Variants in MMRN1 observed in about 807,000 individuals in gnomAD.
MMRN1 encodes multimerin 1.
Under a neutral mutation model 100.7 loss-of-function variants are expected in MMRN1, and 94 were observed. The ratio of observed to expected loss-of-function variants is 0.93; its 90% CI spans 0.79 to 1.11. The LOEUF (loss-of-function observed/expected upper bound fraction) is 1.11. Ranked by LOEUF, MMRN1 falls within the 50% of genes least tolerant of loss-of-function variation. The probability of loss-of-function intolerance (pLI) is 0.00; values close to 1 mark genes in which losing one functional copy is unlikely to be tolerated. For synonymous variants in MMRN1, 575 were observed against 505.0 expected (o/e 1.14, Z -1.86); for missense variants, 1,606 against 1,439.1 (o/e 1.12, Z -1.88).
In MMRN1 at chr4:89,953,322, T is replaced by C. The variant is rs139405412; in HGVS notation, c.3591T>C (p.Tyr1197=). The change falls in exon 8 of 8, where the codon TAT becomes TAC. Residue 1197 remains tyrosine, a synonymous_variant. Coordinates refer to ENST00000264790, the MANE Select transcript of MMRN1 (RefSeq NM_007351.3). ...GGGATGCCTTATTAGAATTAAATTA[T>C]GGGCAGGAAGTCTGGTTACGACTTG... ...LTGDALLELN[Y]GQEVWLRLAK... 3.1e-6 allele frequency: 5 copies of C among 1,613,872 alleles called. No homozygotes were observed. The highest frequency in any genetic ancestry group is 1.3e-5 in the African/African-American group (1 of 75,038).
intron 7 of MMRN1, 125 bp from the exon 8 acceptor site, chr4:89,952,872 T>C: frequency 1.1e-6 from 1 of 903,718 alleles, no homozygotes; most frequent in East Asian, 2.6e-5. Context: ...TTTGCTAAGT[T>C]TGATGGATGG....
Position 89,916,846 on chromosome 4 carries a change from A to T in MMRN1, c.850+4796A>T, listed in dbSNP as rs116524951. Reference sequence around the variant, plus strand: ...ATGGAATAACATTTTCCAAGATCACATGAATGATATATGTCTCAAATTCTT... The same window carrying T: ...ATGGAATAACATTTTCCAAGATCACTTGAATGATATATGTCTCAAATTCTT... On this transcript the variant is annotated intron_variant, in intron 3 of 7. Coordinates refer to ENST00000264790, the MANE Select transcript of MMRN1 (RefSeq NM_007351.3). 5.9e-3 allele frequency among the ~76,000 whole-genome samples: 903 copies of T among 151,850 alleles called. 7 individuals are homozygous for T. Among genetic ancestry groups the T allele is most frequent in the African/African-American group, 0.021 (862 of 41,496 alleles).
chr4:89,942,751 A>C (rs2110645734), intron 6 of MMRN1, among the ~76,000 whole-genome samples: 1 of 152,310 alleles, frequency 6.6e-6, no homozygotes, highest in African/African-American at 2.4e-5. Flanking sequence ...TCAAATTACC[A>C]GTAAAATTAT....
chr4:89,902,871 ATATTTTTATC>A, intron 1 of MMRN1, among the ~76,000 whole-genome samples: 1 of 152,124 alleles, frequency 6.6e-6, no homozygotes, highest in South Asian at 2.1e-4. Flanking sequence ...TACAAAACTG[ATATTTTTATC>A]TCAGTTTGAA....
chr4:89,917,651 G>T (rs1251874497), intron 3 of MMRN1, among the ~76,000 whole-genome samples: 1 of 151,596 alleles, frequency 6.6e-6, no homozygotes, highest in Non-Finnish European at 1.5e-5. Context: ...TCTTTCTTTT[G>T]CCATGGATGA....
rs367727297 is a variant in MMRN1, at chr4:89,935,565, G to T, written c.1885G>T (p.Asp629Tyr). The change falls in exon 6 of 8, where the codon GAC (aspartate) becomes TAC (tyrosine). Residue 629 changes from aspartate (D) to tyrosine (Y), a missense_variant. Asp to Tyr is a radical substitution (Grantham distance 160, BLOSUM62 -3). Transcript: ENST00000264790. Reference protein sequence around the residue: ...QTLAEVLFPMDNKMDKMSEQL... With the variant: ...QTLAEVLFPMYNKMDKMSEQL... ...ATTGGCTGAAGTTCTCTTTCCAATG[G>T]ACAATAAGATGGACAAAATGAGTGA... is the stretch of plus-strand genomic sequence containing the variant. 2 of 1,613,306 alleles carry T rather than the reference G, an allele frequency of 1.2e-6. No homozygotes were observed. The highest frequency in any genetic ancestry group is 1.7e-6 in the Non-Finnish European group (2 of 1,179,728).
chr4:89,920,653 G>A (rs968252849), intron 3 of MMRN1, among the ~76,000 whole-genome samples: 1 of 151,830 alleles, frequency 6.6e-6, no homozygotes, highest in Admixed American at 6.6e-5. Flanking sequence ...AGTCTATGAA[G>A]ATTGATTTCT....
rs78280772 is a variant in MMRN1, at chr4:89,913,340, T to C, written c.850+1290T>C. 1.7e-3 allele frequency among the ~76,000 whole-genome samples: 255 copies of C among 151,480 alleles called. 1 individual carries two copies. Among genetic ancestry groups the C allele is most frequent in the African/African-American group, 5.8e-3 (240 of 41,488 alleles). On this transcript the variant is annotated intron_variant, in intron 3 of 7. Coordinates refer to ENST00000264790, the MANE Select transcript of MMRN1 (RefSeq NM_007351.3). Reference sequence around the variant, plus strand: ...CAAGTTTGTTTGCAGAGCACATTTCTAGAAATTTAGGTTGTTATTACACAT... The same window carrying C: ...CAAGTTTGTTTGCAGAGCACATTTCCAGAAATTTAGGTTGTTATTACACAT...
chr4:89,915,048 A>C (rs1329814324), intron 3 of MMRN1, among the ~76,000 whole-genome samples: 2 of 151,610 alleles, frequency 1.3e-5, no homozygotes, highest in Non-Finnish European at 3.0e-5. Context: ...GTGCTGAAAT[A>C]AACTGGCCCC....
intron 1 of MMRN1, among the ~76,000 whole-genome samples, chr4:89,883,366 C>G (rs768077994): frequency 2.0e-5 from 3 of 151,996 alleles, no homozygotes; most frequent in Non-Finnish European, 2.9e-5. Flanking sequence ...CGTATGAGTT[C>G]TGATTGCTTC....
intron 3 of MMRN1, among the ~76,000 whole-genome samples, chr4:89,913,002 AC>A (rs1260973796): frequency 6.6e-6 from 1 of 151,292 alleles, no homozygotes; most frequent in Non-Finnish European, 1.5e-5. Context: ...TATTCAGACT[AC>A]AGAATGAATA....
chr4:89,935,288 G>A lies in MMRN1; in HGVS notation c.1608G>A (p.Glu536=). Reference sequence around the variant, plus strand: ...ACCAGAAGAATGCTCCAGCTGCTGAGTCAGTTAGCAATAATGTCACTGAGT... The same window carrying A: ...ACCAGAAGAATGCTCCAGCTGCTGAATCAGTTAGCAATAATGTCACTGAGT... ...VSDQKNAPAA[E]SVSNNVTEYM... Residue 536 remains glutamate (E), a synonymous_variant, in exon 6 of 8, where the codon GAG becomes GAA. Transcript: ENST00000264790. 3 of 1,613,756 alleles carry A rather than the reference G, an allele frequency of 1.9e-6. No individual in the cohort carries two copies. The South Asian group carries it at 3.3e-5, about 18-fold the overall frequency.
intron 6 of MMRN1, among the ~76,000 whole-genome samples, chr4:89,938,180 C>G (rs1434225809): frequency 6.6e-6 from 1 of 151,582 alleles, no homozygotes; most frequent in African/African-American, 2.4e-5. Context: ...GTTGAATTAT[C>G]TCTACTATTT....
At chr4:89,888,077 AT>A (rs576230015) in intron 1 of MMRN1, among the ~76,000 whole-genome samples, 141 of 151,082 alleles carry the variant, frequency 9.3e-4, no homozygotes, top group African/African-American at 3.3e-3. Context: ...AATTATCTAC[AT>A]TTTTTAATTG....
chr4:89,949,143 C>T (rs1308112838), intron 6 of MMRN1, among the ~76,000 whole-genome samples: 2 of 152,120 alleles, frequency 1.3e-5, no homozygotes, highest in Non-Finnish European at 2.9e-5. Context: ...AATCCTTGAT[C>T]CTGAAGATTC....
chr4:89,887,993 G>T (rs1352670899), intron 1 of MMRN1, among the ~76,000 whole-genome samples: 3 of 151,704 alleles, frequency 2.0e-5, no homozygotes, highest in Non-Finnish European at 4.4e-5. Context: ...ATATGAAATT[G>T]TTCTACAGAT....
chr4:89,895,835 A>G, intron 1 of MMRN1, among the ~76,000 whole-genome samples: 1 of 152,310 alleles, frequency 6.6e-6, no homozygotes, highest in East Asian at 1.9e-4. Context: ...CTACTCACTT[A>G]TAGAGGTAGT....
chr4:89,916,195 T>C (rs1395828833), intron 3 of MMRN1, among the ~76,000 whole-genome samples: 5 of 151,482 alleles, frequency 3.3e-5, no homozygotes, highest in Admixed American at 2.0e-4. Flanking sequence ...ACATAAACTA[T>C]TGAATTTGTA....
intron 6 of MMRN1, among the ~76,000 whole-genome samples, chr4:89,948,339 A>G (rs1723054316): frequency 6.6e-6 from 1 of 152,190 alleles, no homozygotes; most frequent in Non-Finnish European, 1.5e-5. Context: ...TTTGGAAATG[A>G]TAACAAAGAT....
Sources: allele counts gnomAD v4.1 joint callset (sites outside exome capture counted in the v4.1 genomes callset), GRCh38; gene constraint gnomAD v4.1.1; transcripts MANE v1.5; gene names NCBI Gene and HGNC (gene_info 2026-07-23, HGNC 2026-07-21).